Variants in CTTNBP2NL observed in about 807,000 individuals in gnomAD.
CTTNBP2NL encodes the protein CTTNBP2 N-terminal-like protein.
Under a neutral mutation model 32.5 loss-of-function variants are expected in CTTNBP2NL, and 16 were observed. The ratio of observed to expected loss-of-function variants is 0.49; its 90% CI spans 0.33 to 0.75. The LOEUF is 0.75. Among genes scored for constraint, CTTNBP2NL ranks in the 30% least tolerant of loss-of-function variants. CTTNBP2NL has a pLI of 0.02. For synonymous variants in CTTNBP2NL, 298 were observed against 289.4 expected (o/e 1.03, Z -0.30); for missense variants, 645 against 756.0 (o/e 0.85, Z 1.72).
chr1:112,416,937 T>C (rs1427148663), intron 3 of CTTNBP2NL, among the ~76,000 whole-genome samples: 1 of 152,202 alleles, frequency 6.6e-6, no homozygotes, highest in Non-Finnish European at 1.5e-5. Flanking sequence ...AAGGATCCCA[T>C]GAAAACATCC....
intron 3 of CTTNBP2NL, among the ~76,000 whole-genome samples, chr1:112,425,991 G>GTGTGTGTGTGTGTGTGTT (rs1557890242): frequency 1.5e-5 from 2 of 134,916 alleles, no homozygotes; most frequent in Non-Finnish European, 3.3e-5. Context: ...GTGTGTGTGT[G>GTGTGTGTGTGTGTGTGTT]TGTGTGTGTG....
rs533552244 is a variant in CTTNBP2NL, at chr1:112,403,204, A to G, written c.-134+6932A>G. ...ATGCTGTTAAATTTTTTTCCCGACT[A>G]CTCTTTCTGTTTCCATTTTCTCTTC... On this transcript the variant is annotated intron_variant, in intron 1 of 5. Transcript: ENST00000271277. Among the ~76,000 whole-genome samples the G allele has an allele frequency of 3.3e-5, 5 of 151,756 alleles. 1 individual carries two copies. Among genetic ancestry groups the G allele is most frequent in the African/African-American group, 9.7e-5 (4 of 41,350 alleles).
chr1:112,460,621 A>G lies in CTTNBP2NL; in HGVS notation c.*3209A>G, dbSNP rs1650522854. On this transcript the variant is annotated 3_prime_UTR_variant, in exon 6 of 6. Coordinates refer to ENST00000271277, the MANE Select transcript of CTTNBP2NL (RefSeq NM_018704.3). The stretch of plus-strand genomic sequence containing the variant: ...ATGGCTCATGTATTTCTGCTTAAGA[A>G]AGCATAATCTTGTTCTGCTCTCTCA... 1 of 152,218 alleles carries G rather than the reference A, an allele frequency of 6.6e-6. No individual in the cohort carries two copies. The highest frequency in any genetic ancestry group is 2.4e-5 in the African/African-American group (1 of 41,452). The allele number at this position is 152,218 out of a possible 1,614,324, so 9.4% of individuals were successfully genotyped here.
At chr1:112,418,306 C>T (rs1424976554) in intron 3 of CTTNBP2NL, among the ~76,000 whole-genome samples, 1 of 152,136 alleles carries the variant, frequency 6.6e-6, no homozygotes, top group African/African-American at 2.4e-5. Context: ...AAAATTTCTG[C>T]AAAGTGCCAG....
intron 1 of CTTNBP2NL, among the ~76,000 whole-genome samples, chr1:112,409,317 A>G (rs1648785951): frequency 1.3e-5 from 2 of 152,130 alleles, no homozygotes; most frequent in African/African-American, 4.8e-5. Flanking sequence ...CTTAAGTTCG[A>G]TATCTGAGTA....
intron 1 of CTTNBP2NL, among the ~76,000 whole-genome samples, chr1:112,405,790 CAG>C (rs1340597446): frequency 6.6e-6 from 1 of 152,174 alleles, no homozygotes; most frequent in Non-Finnish European, 1.5e-5. Context: ...TTCACACTCA[CAG>C]AGAGATATAG....
At chr1:112,430,457 C>A (rs2990988) in intron 3 of CTTNBP2NL, among the ~76,000 whole-genome samples, 2 of 151,492 alleles carry the variant, frequency 1.3e-5, no homozygotes, top group Non-Finnish European at 2.9e-5. Context: ...AGGCTGGTCT[C>A]GAACTCCTGA....
chr1:112,453,722 C>T (rs905714997), intron 4 of CTTNBP2NL, among the ~76,000 whole-genome samples: 1 of 152,104 alleles, frequency 6.6e-6, no homozygotes, highest in Non-Finnish European at 1.5e-5. Flanking sequence ...CTACTACAGT[C>T]CAGCCTGGGT....
At chr1:112,442,647 C>T (rs1649928669) in intron 3 of CTTNBP2NL, among the ~76,000 whole-genome samples, 1 of 151,756 alleles carries the variant, frequency 6.6e-6, no homozygotes, top group Non-Finnish European at 1.5e-5. Flanking sequence ...TCACAGGACT[C>T]TGGAATTTGA....
chr1:112,450,614 A>T (rs1033584248), intron 4 of CTTNBP2NL, among the ~76,000 whole-genome samples: 1 of 152,200 alleles, frequency 6.6e-6, no homozygotes, highest in African/African-American at 2.4e-5. Flanking sequence ...GCTAGCTTTC[A>T]TGCCCATGGA....
chr1:112,405,945 G>A (rs1196892094), intron 1 of CTTNBP2NL, among the ~76,000 whole-genome samples: 1 of 152,064 alleles, frequency 6.6e-6, no homozygotes, highest in Non-Finnish European at 1.5e-5. Flanking sequence ...CAGCACTTTG[G>A]GAGGCCGAGG....
At chr1:112,419,822 A>G (rs1045922894) in intron 3 of CTTNBP2NL, among the ~76,000 whole-genome samples, 2 of 152,238 alleles carry the variant, frequency 1.3e-5, no homozygotes, top group Non-Finnish European at 2.9e-5. Flanking sequence ...TCTGGCACCC[A>G]TAAGCCTGGA....
chr1:112,419,327 A>C (rs1224453584), intron 3 of CTTNBP2NL, among the ~76,000 whole-genome samples: 1 of 152,222 alleles, frequency 6.6e-6, no homozygotes, highest in Non-Finnish European at 1.5e-5. Context: ...GTTAAAATGA[A>C]AAAATCGAAA....
At chr1:112,421,616 C>CAAAA (rs34720155) in intron 3 of CTTNBP2NL, among the ~76,000 whole-genome samples, 1 of 71,002 alleles carries the variant, frequency 1.4e-5, no homozygotes, top group African/African-American at 3.8e-5. Flanking sequence ...CCCATTTCTA[C>CAAAA]AAAAAAAAAA....
chr1:112,399,716 T>C (rs1379413697), intron 1 of CTTNBP2NL, among the ~76,000 whole-genome samples: 2 of 152,256 alleles, frequency 1.3e-5, no homozygotes, highest in African/African-American at 2.4e-5. Flanking sequence ...TTGTTCAGTC[T>C]ATGCTGGTTG....
chr1:112,404,093 A>G (rs1258252807), intron 1 of CTTNBP2NL, among the ~76,000 whole-genome samples: 1 of 152,202 alleles, frequency 6.6e-6, no homozygotes, highest in African/African-American at 2.4e-5. Context: ...CTGAAGTTCA[A>G]AGGTTAAATG....
intron 2 of CTTNBP2NL, chr1:112,414,934 A>G (rs1197907013): frequency 1.3e-5 from 2 of 152,262 alleles, no homozygotes; most frequent in Non-Finnish European, 2.9e-5. Context: ...CATGCCTGTA[A>G]TCCCAGCACT....
Position 112,456,488 on chromosome 1 carries a change from C to T in CTTNBP2NL, c.996C>T (p.Asn332=). ...GGAGCAACATAGCCAAGATGACAAACACTGGGCTGCCTGGTCCTGCCACTC... is the reference window on the plus strand; with the variant it reads ...GGAGCAACATAGCCAAGATGACAAATACTGGGCTGCCTGGTCCTGCCACTC... ...THGSNIAKMT[N]TGLPGPATPA... Residue 332 remains asparagine, a synonymous_variant, in exon 6 of 6, where the codon AAC becomes AAT. Coordinates refer to ENST00000271277, the MANE Select transcript of CTTNBP2NL (RefSeq NM_018704.3). The T allele has an allele frequency of 1.9e-6, 3 of 1,614,170 alleles. No individual in the cohort carries two copies. The highest frequency in any genetic ancestry group is 2.5e-6 in the Non-Finnish European group (3 of 1,180,028).
chr1:112,426,296 T>C (rs922292863), intron 3 of CTTNBP2NL, among the ~76,000 whole-genome samples: 42 of 152,246 alleles, frequency 2.8e-4, no homozygotes, highest in Admixed American at 1.1e-3. Flanking sequence ...CTTCATCCCC[T>C]TTTTTATTGA....
Sources: allele counts gnomAD v4.1 joint callset (sites outside exome capture counted in the v4.1 genomes callset), GRCh38; gene constraint gnomAD v4.1.1; transcripts MANE v1.5; gene names NCBI Gene and HGNC (gene_info 2026-07-23, HGNC 2026-07-21).